The following EFNA5 variants were observed in gnomAD, a reference collection of about 807,000 sequenced individuals.
The protein encoded by EFNA5 is ephrin-A5.
Under a neutral mutation model 22.9 loss-of-function variants are expected in EFNA5, and 5 were observed. The observed-to-expected ratio is 0.22, with a 90% CI of 0.11 to 0.46. EFNA5 has a LOEUF of 0.46. Ranked by LOEUF, EFNA5 falls within the 20% of genes least tolerant of loss-of-function variation. The probability of loss-of-function intolerance (pLI) is 0.99; values close to 1 mark genes in which losing one functional copy is unlikely to be tolerated. For synonymous variants in EFNA5, 113 were observed against 112.2 expected, an observed-to-expected ratio of 1.01 and a Z score of -0.04; for missense variants, 237 against 293.3, an observed-to-expected ratio of 0.81 and a Z score of 1.40.
At chr5:107,649,640 C>G (rs1332117870) in intron 1 of EFNA5, among the ~76,000 whole-genome samples, 2 of 152,072 alleles carry the variant, frequency 1.3e-5, no homozygotes, top group Non-Finnish European at 2.9e-5. Flanking sequence ...AGCATTTGAT[C>G]CCAGGTCACC....
chr5:107,545,248 C>T (rs964475862), intron 1 of EFNA5, among the ~76,000 whole-genome samples: 1 of 152,230 alleles, frequency 6.6e-6, no homozygotes, highest in Non-Finnish European at 1.5e-5. Flanking sequence ...TCAGTAATAT[C>T]GGCTGTAAGC....
At chr5:107,399,783 TAA>T (rs1748036679) in intron 2 of EFNA5, among the ~76,000 whole-genome samples, 1 of 152,200 alleles carries the variant, frequency 6.6e-6, no homozygotes, top group Non-Finnish European at 1.5e-5. Flanking sequence ...AGGCATTTTT[TAA>T]AGAATCAAAA....
At chr5:107,458,409 C>A (rs1313006507) in intron 1 of EFNA5, among the ~76,000 whole-genome samples, 3 of 151,816 alleles carry the variant, frequency 2.0e-5, no homozygotes, top group Non-Finnish European at 4.4e-5. Context: ...AAGGTGGGAT[C>A]CCAAATATAG....
At chr5:107,614,662 T>C (rs966863012) in intron 1 of EFNA5, among the ~76,000 whole-genome samples, 7 of 152,270 alleles carry the variant, frequency 4.6e-5, no homozygotes, top group South Asian at 2.1e-4. Flanking sequence ...GCTTTCAGGA[T>C]AGTCATGCCA....
intron 1 of EFNA5, among the ~76,000 whole-genome samples, chr5:107,633,674 T>C (rs1195919860): frequency 6.6e-6 from 1 of 152,200 alleles, no homozygotes; most frequent in African/African-American, 2.4e-5. Flanking sequence ...GCCAGGGGAA[T>C]GTGATGCACA....
chr5:107,496,352 AAC>A lies in EFNA5; in HGVS notation c.126-68845_126-68844del, dbSNP rs1554063270. On this transcript the variant is annotated intron_variant, in intron 1 of 4. Transcript: ENST00000333274. ...ATTCCATCTCAAAAAAAAAAAAAAA[AAC>A]AAAAAAACAAAAAACAACAACTACC... is the stretch of plus-strand genomic sequence containing the variant. 8.1e-5 allele frequency among the ~76,000 whole-genome samples: 12 copies of A among 148,412 alleles called. No homozygotes were observed. The South Asian group carries it at 1.5e-3, about 18-fold the overall frequency.
In EFNA5 at chr5:107,589,368, G is replaced by A. The variant is rs1200963322; in HGVS notation, c.125+81121C>T. On this transcript the variant is annotated intron_variant, in intron 1 of 4. Transcript: ENST00000333274. ...CAGATCCTAAGAAAACAAAGTGACC[G>A]AAAGACCTAAAGCAAGTAGGGGGAA... 2.0e-5 allele frequency among the ~76,000 whole-genome samples: 3 copies of A among 152,052 alleles called. No individual in the cohort carries two copies. The East Asian group carries it at 5.8e-4, about 29-fold the overall frequency.
chr5:107,532,709 A>G (rs962186283), intron 1 of EFNA5, among the ~76,000 whole-genome samples: 1 of 152,132 alleles, frequency 6.6e-6, no homozygotes, highest in South Asian at 2.1e-4. Context: ...CCTCTACCCC[A>G]CCTGCCATAT....
chr5:107,453,073 A>G (rs1383124870), intron 1 of EFNA5, among the ~76,000 whole-genome samples: 5 of 152,162 alleles, frequency 3.3e-5, no homozygotes, highest in Admixed American at 3.3e-4. Flanking sequence ...TTCTTTCTAA[A>G]GACACTTTAC....
intron 1 of EFNA5, among the ~76,000 whole-genome samples, chr5:107,466,473 T>C (rs1412288391): frequency 6.6e-6 from 1 of 152,160 alleles, no homozygotes. Context: ...AGTGTCTGCC[T>C]GTTTTAATGA....
intron 1 of EFNA5, among the ~76,000 whole-genome samples, chr5:107,569,559 T>TATATATA (rs1748742560): frequency 2.1e-4 from 9 of 42,528 alleles, no homozygotes; most frequent in Admixed American, 5.3e-4. Context: ...ATATATATAT[T>TATATATA]TATATATATA....
chr5:107,530,574 T>C (rs1429126389), intron 1 of EFNA5, among the ~76,000 whole-genome samples: 1 of 152,226 alleles, frequency 6.6e-6, no homozygotes, highest in Admixed American at 6.5e-5. Flanking sequence ...GCAGAAAATA[T>C]TGAAAAATTT....
chr5:107,570,749 T>C (rs1302721248), intron 1 of EFNA5, among the ~76,000 whole-genome samples: 1 of 152,164 alleles, frequency 6.6e-6, no homozygotes, highest in African/African-American at 2.4e-5. Flanking sequence ...TGGAACCCTA[T>C]TGTGCACATG....
intron 1 of EFNA5, among the ~76,000 whole-genome samples, chr5:107,438,994 C>CA (rs2112433655): frequency 6.6e-6 from 1 of 152,312 alleles, no homozygotes; most frequent in South Asian, 2.1e-4. Context: ...ACATTTATGT[C>CA]ATGGTATGGC....
intron 1 of EFNA5, among the ~76,000 whole-genome samples, chr5:107,608,880 CA>C (rs1430812302): frequency 2.6e-4 from 40 of 152,178 alleles, no homozygotes; most frequent in Non-Finnish European, 5.9e-5. Flanking sequence ...ACCCAGCCAA[CA>C]GAACACTTTA....
chr5:107,459,023 A>C (rs1027061889), intron 1 of EFNA5, among the ~76,000 whole-genome samples: 6 of 152,172 alleles, frequency 3.9e-5, no homozygotes, highest in Non-Finnish European at 7.3e-5. Flanking sequence ...CGTATACCTG[A>C]CAATTCTTTG....
intron 1 of EFNA5, among the ~76,000 whole-genome samples, chr5:107,533,166 T>G (rs1280205268): frequency 2.6e-5 from 4 of 152,156 alleles, no homozygotes; most frequent in Non-Finnish European, 4.4e-5. Context: ...ATTACCCAAA[T>G]GGACAGCACT....
rs1392746520 is a variant in EFNA5 at position 107,377,613 on chromosome 5, G to A, written c.*3642C>T. On this transcript the variant is annotated 3_prime_UTR_variant, in exon 5 of 5. Coordinates refer to ENST00000333274, the MANE Select transcript of EFNA5 (RefSeq NM_001962.3). ...GTCCCTGAAAATCCACAGGTACTGT[G>A]TGACTCTTCCTTTCACAACGACACA... The A allele has an allele frequency of 2.0e-5, 3 of 152,158 alleles. No individual in the cohort carries two copies. The highest frequency in any genetic ancestry group is 3.8e-4 in the East Asian group (2 of 5,198). 9.4% of individuals were successfully genotyped at this position (152,158 alleles called of 1,614,324 possible).
intron 1 of EFNA5, among the ~76,000 whole-genome samples, chr5:107,529,551 A>G (rs766158512): frequency 1.2e-4 from 19 of 152,236 alleles, no homozygotes; most frequent in Non-Finnish European, 2.5e-4. Context: ...AGGAAAAGGC[A>G]TGGAGGCAAC....
Sources: allele counts gnomAD v4.1 joint callset (sites outside exome capture counted in the v4.1 genomes callset), GRCh38; gene constraint gnomAD v4.1.1; transcripts MANE v1.5; gene names NCBI Gene and HGNC (gene_info 2026-07-23, HGNC 2026-07-21).